Variants in SRRM4 observed in about 807,000 individuals in gnomAD.
SRRM4 encodes the protein serine/arginine repetitive matrix protein 4.
Under a neutral mutation model 68.9 loss-of-function variants are expected in SRRM4, and 33 were observed. The observed-to-expected ratio is 0.48, with a 90% CI of 0.36 to 0.64. The LOEUF (loss-of-function observed/expected upper bound fraction) is 0.64. Among genes scored for constraint, SRRM4 ranks in the 30% least tolerant of loss-of-function variants. The pLI is 0.00. For synonymous variants in SRRM4, 318 were observed against 318.8 expected (o/e 1.00, Z 0.03); for missense variants, 817 against 827.1 (o/e 0.99, Z 0.15).
intron 1 of SRRM4, among the ~76,000 whole-genome samples, chr12:119,074,340 A>C (rs1245917620): frequency 6.6e-6 from 1 of 152,208 alleles, no homozygotes; most frequent in African/African-American, 2.4e-5. Context: ...GTACGGACAG[A>C]GCAACTGAGA....
At chr12:119,146,217 G>C (rs934820300) in intron 9 of SRRM4, among the ~76,000 whole-genome samples, 1 of 152,102 alleles carries the variant, frequency 6.6e-6, no homozygotes, top group Admixed American at 6.5e-5. Flanking sequence ...GGAAAAGCCA[G>C]GTTATTGGTA....
At chr12:119,100,728 G>A (rs1239959616) in intron 1 of SRRM4, among the ~76,000 whole-genome samples, 1 of 152,292 alleles carries the variant, frequency 6.6e-6, no homozygotes, top group South Asian at 2.1e-4. Flanking sequence ...CTGGGTGTTA[G>A]GCAGAAAATA....
chr12:118,994,351 TA>T (rs1240463338), intron 1 of SRRM4, among the ~76,000 whole-genome samples: 1 of 152,148 alleles, frequency 6.6e-6, no homozygotes, highest in African/African-American at 2.4e-5. Flanking sequence ...TAAGTGCTCC[TA>T]GATGCTTTTA....
intron 1 of SRRM4, among the ~76,000 whole-genome samples, chr12:118,983,439 A>G (rs1224537747): frequency 2.6e-5 from 4 of 152,188 alleles, no homozygotes; most frequent in Admixed American, 2.0e-4. Context: ...AATGCCATTA[A>G]AGGCTGATGC....
At chr12:118,987,181 C>A (rs1205424641) in intron 1 of SRRM4, among the ~76,000 whole-genome samples, 1 of 152,146 alleles carries the variant, frequency 6.6e-6, no homozygotes, top group African/African-American at 2.4e-5. Context: ...TCAGCCTCCC[C>A]ATCTGTGAAA....
Position 119,133,841 on chromosome 12 carries a change from G to A in SRRM4, c.771+3007G>A, listed in dbSNP as rs1034736751. The stretch of plus-strand genomic sequence containing the variant: ...AATAGCCTGTGCCTTCTAATGAAGC[G>A]AGACAGACAAGTTAAAAACAGTTAA... On this transcript the variant is annotated intron_variant, in intron 8 of 12. Coordinates refer to ENST00000267260, the MANE Select transcript of SRRM4 (RefSeq NM_194286.4). Among the ~76,000 whole-genome samples, 23 of 152,150 alleles carry A rather than the reference G, an allele frequency of 1.5e-4. No homozygotes were observed. The East Asian group carries it at 2.1e-3, about 14-fold the overall frequency.
At chr12:119,039,841 G>C (rs74929260) in intron 1 of SRRM4, among the ~76,000 whole-genome samples, 1 of 151,704 alleles carries the variant, frequency 6.6e-6, no homozygotes, top group African/African-American at 2.4e-5. Flanking sequence ...ATTTGCAGAC[G>C]TGGCTGAAGA....
At chr12:119,100,358 T>C (rs1184316123) in intron 1 of SRRM4, among the ~76,000 whole-genome samples, 2 of 128,324 alleles carry the variant, frequency 1.6e-5, no homozygotes, top group Non-Finnish European at 3.3e-5. Context: ...GGTGTGGTGG[T>C]GTGTAACTGT....
intron 1 of SRRM4, among the ~76,000 whole-genome samples, chr12:119,092,532 T>A (rs1370779465): frequency 6.6e-6 from 1 of 152,168 alleles, no homozygotes; most frequent in Non-Finnish European, 1.5e-5. Flanking sequence ...CTTGGAGTCA[T>A]CCTTGGCCCC....
intron 2 of SRRM4, among the ~76,000 whole-genome samples, chr12:119,110,240 G>T (rs1335077819): frequency 1.3e-5 from 2 of 152,186 alleles, no homozygotes; most frequent in African/African-American, 4.8e-5. Flanking sequence ...GCCCTTACTG[G>T]GAGGTGCCTC....
At chr12:119,155,100 C>T (rs1565921057) in intron 12 of SRRM4, among the ~76,000 whole-genome samples, 1 of 152,324 alleles carries the variant, frequency 6.6e-6, no homozygotes, top group Middle Eastern at 3.4e-3. Context: ...AAGATGTGAA[C>T]GTGCTTTGTA....
intron 1 of SRRM4, among the ~76,000 whole-genome samples, chr12:119,039,725 G>A (rs1268570741): frequency 2.6e-5 from 4 of 152,174 alleles, no homozygotes; most frequent in Admixed American, 1.3e-4. Flanking sequence ...TAAATATCCA[G>A]CACTGAACTT....
chr12:119,078,364 A>T (rs534232343), intron 1 of SRRM4, among the ~76,000 whole-genome samples: 1 of 152,314 alleles, frequency 6.6e-6, no homozygotes, highest in Non-Finnish European at 1.5e-5. Context: ...CTGGGCAATT[A>T]CAGGTGCACA....
intron 2 of SRRM4, among the ~76,000 whole-genome samples, chr12:119,112,213 G>A (rs1050128562): frequency 6.6e-6 from 1 of 151,998 alleles, no homozygotes; most frequent in Non-Finnish European, 1.5e-5. Flanking sequence ...CTACTAAAAG[G>A]GACCCTCTTA....
chr12:119,131,650 T>G (rs913234065), intron 8 of SRRM4, among the ~76,000 whole-genome samples: 5 of 152,236 alleles, frequency 3.3e-5, no homozygotes, highest in African/African-American at 1.2e-4. Flanking sequence ...ACTTCCTAGC[T>G]GTGTGGCTTT....
chr12:119,136,353 A>T (rs1954328028), intron 8 of SRRM4, among the ~76,000 whole-genome samples: 1 of 152,242 alleles, frequency 6.6e-6, no homozygotes, highest in Middle Eastern at 3.2e-3. Context: ...CTCTTGCTCA[A>T]CTGGGAGACA....
rs568903577 is a variant in SRRM4, at chr12:119,104,791, C to T, written c.278+2409C>T. On this transcript the variant is annotated intron_variant, in intron 2 of 12. Transcript: ENST00000267260. ...TGCATATGTAACCACTGTGTTGGAA[C>T]CACTGCATACTTAACCACTGCTTTT... 3.3e-5 allele frequency among the ~76,000 whole-genome samples: 5 copies of T among 152,116 alleles called. No homozygotes were observed. In the South Asian group the frequency reaches 6.2e-4, roughly 19 times the overall value.
chr12:119,084,363 G>A (rs1953967467), intron 1 of SRRM4, among the ~76,000 whole-genome samples: 1 of 152,214 alleles, frequency 6.6e-6, no homozygotes, highest in Non-Finnish European at 1.5e-5. Context: ...AGCAGGATAT[G>A]AGGACTAGAG....
chr12:119,125,605 C>T (rs1243432168), intron 7 of SRRM4, 126 bp downstream of exon 7: 1 of 741,890 alleles, frequency 1.3e-6, no homozygotes, highest in African/African-American at 1.8e-5. Context: ...GACTCAGCAG[C>T]TGGCACCACT....
Sources: gnomAD v4.1 joint callset for allele counts (sites outside exome capture counted in the v4.1 genomes callset) on GRCh38, gnomAD v4.1.1 for gene constraint, MANE v1.5 for transcripts, NCBI Gene and HGNC (gene_info 2026-07-23, HGNC 2026-07-21) for gene names.